Variants in SGCZ observed in about 807,000 individuals in gnomAD.
SGCZ encodes sarcoglycan zeta.
In SGCZ, 40 loss-of-function variants were observed where a neutral mutation model predicts 41.3. The ratio of observed to expected loss-of-function variants is 0.97; its 90% CI spans 0.75 to 1.26. The LOEUF (loss-of-function observed/expected upper bound fraction) is 1.26, where lower values mean the gene tolerates loss of function less well. Ranked by LOEUF, SGCZ falls within the 50% of genes most tolerant of loss-of-function variation. The pLI is 0.00. For synonymous variants in SGCZ, 206 were observed against 137.5 expected (o/e 1.50, Z -3.49); for missense variants, 552 against 369.8 (o/e 1.49, Z -4.04).
intron 1 of SGCZ, among the ~76,000 whole-genome samples, chr8:14,876,085 T>C (rs1430215836): frequency 6.6e-6 from 1 of 152,112 alleles, no homozygotes; most frequent in Non-Finnish European, 1.5e-5. Flanking sequence ...CCCAGCTCAG[T>C]GGTGTGGTAG....
chr8:14,126,938 T>C (rs10106930), intron 5 of SGCZ, among the ~76,000 whole-genome samples: 46,584 of 151,056 alleles, frequency 0.31, 8,582 homozygotes, highest in African/African-American at 0.51. Flanking sequence ...TGAGAACACA[T>C]GGACACAGGG....
At chr8:14,755,864 T>TA (rs988721353) in intron 1 of SGCZ, among the ~76,000 whole-genome samples, 18 of 149,110 alleles carry the variant, frequency 1.2e-4, no homozygotes, top group African/African-American at 4.2e-4. Flanking sequence ...AACAAGAAAC[T>TA]AAAAAAAAAG....
At chr8:15,159,852 T>C (rs567705878) in intron 1 of SGCZ, among the ~76,000 whole-genome samples, 33 of 150,550 alleles carry the variant, frequency 2.2e-4, no homozygotes, top group African/African-American at 7.8e-4. Flanking sequence ...ACCCCTCTAA[T>C]TCCTGCCTTT....
At chr8:14,217,630 T>A (rs1209372661) in intron 4 of SGCZ, among the ~76,000 whole-genome samples, 6 of 76,258 alleles carry the variant, frequency 7.9e-5, no homozygotes, top group African/African-American at 6.5e-4. Context: ...CAACTAAAGT[T>A]TTTTTTTTTT....
intron 1 of SGCZ, among the ~76,000 whole-genome samples, chr8:14,880,825 G>C (rs1804559218): frequency 6.6e-6 from 1 of 152,172 alleles, no homozygotes; most frequent in African/African-American, 2.4e-5. Flanking sequence ...ATGGGGGTGG[G>C]ATAGCATTAG....
chr8:14,518,400 A>G (rs1261956267), intron 2 of SGCZ, among the ~76,000 whole-genome samples: 1 of 152,146 alleles, frequency 6.6e-6, no homozygotes, highest in Non-Finnish European at 1.5e-5. Flanking sequence ...CATGGAATAA[A>G]TATCGGCCTA....
chr8:14,650,089 C>T (rs1261843012), intron 1 of SGCZ, among the ~76,000 whole-genome samples: 1 of 152,058 alleles, frequency 6.6e-6, no homozygotes, highest in African/African-American at 2.4e-5. Flanking sequence ...AGGGGTTTGA[C>T]TGAGCACCCA....
chr8:14,887,783 A>C (rs916972242), intron 1 of SGCZ, among the ~76,000 whole-genome samples: 3 of 152,144 alleles, frequency 2.0e-5, no homozygotes, highest in African/African-American at 7.2e-5. Context: ...GAAAATAGAC[A>C]CGCAATATTT....
At chr8:14,522,567 T>C (rs1378400310) in intron 2 of SGCZ, among the ~76,000 whole-genome samples, 1 of 151,898 alleles carries the variant, frequency 6.6e-6, no homozygotes, top group Non-Finnish European at 1.5e-5. Flanking sequence ...CCCAGGGTGA[T>C]ATCATTTCAT....
At chr8:15,027,175 T>C (rs1803488306) in intron 1 of SGCZ, among the ~76,000 whole-genome samples, 1 of 152,110 alleles carries the variant, frequency 6.6e-6, no homozygotes, top group Admixed American at 6.6e-5. Context: ...TTTGGTAAAA[T>C]GAGTTTTTGA....
intron 1 of SGCZ, among the ~76,000 whole-genome samples, chr8:15,148,050 G>T (rs1416235490): frequency 7.1e-6 from 1 of 140,000 alleles, no homozygotes; most frequent in East Asian, 2.0e-4. Context: ...TTCTCAGAAG[G>T]GCTCTCAAGG....
At chr8:14,525,201 C>G in intron 2 of SGCZ, among the ~76,000 whole-genome samples, 1 of 150,806 alleles carries the variant, frequency 6.6e-6, no homozygotes, top group East Asian at 2.0e-4. Flanking sequence ...GATAGACAGA[C>G]AGACAGACAG....
intron 1 of SGCZ, among the ~76,000 whole-genome samples, chr8:14,723,914 C>A (rs866658537): frequency 2.0e-5 from 3 of 152,062 alleles, no homozygotes; most frequent in Admixed American, 6.5e-5. Flanking sequence ...GCCTTTATAG[C>A]AACACACAGG....
chr8:14,673,978 G>C (rs1808192550), intron 1 of SGCZ, among the ~76,000 whole-genome samples: 1 of 152,104 alleles, frequency 6.6e-6, no homozygotes, highest in African/African-American at 2.4e-5. Flanking sequence ...CTTTGTTATT[G>C]AATGTGTCAC....
At chr8:14,812,292 G>C (rs931683830) in intron 1 of SGCZ, among the ~76,000 whole-genome samples, 2 of 151,888 alleles carry the variant, frequency 1.3e-5, no homozygotes, top group African/African-American at 2.4e-5. Context: ...GGCATCTACA[G>C]AATATTGTCT....
At chr8:14,451,840 G>C (rs1359491403) in intron 2 of SGCZ, among the ~76,000 whole-genome samples, 1 of 152,174 alleles carries the variant, frequency 6.6e-6, no homozygotes, top group Non-Finnish European at 1.5e-5. Flanking sequence ...CCAAATACTG[G>C]TGAAGACATG....
chr8:14,773,060 C>A (rs1226692426), intron 1 of SGCZ, among the ~76,000 whole-genome samples: 2 of 152,238 alleles, frequency 1.3e-5, no homozygotes, highest in African/African-American at 4.8e-5. Flanking sequence ...TAAAAGTGTT[C>A]CTATTTCTCC....
intron 2 of SGCZ, among the ~76,000 whole-genome samples, chr8:14,489,328 T>C (rs1339839051): frequency 6.6e-6 from 1 of 152,134 alleles, no homozygotes; most frequent in Non-Finnish European, 1.5e-5. Context: ...CACAAAATTA[T>C]AAAATGGACA....
intron 2 of SGCZ, among the ~76,000 whole-genome samples, chr8:14,442,762 G>A (rs10113331): frequency 0.031 from 4,769 of 152,076 alleles, 259 homozygotes; most frequent in African/African-American, 0.11. Flanking sequence ...TTAGGTTTTG[G>A]CTCTTCATTC....
Sources: allele counts gnomAD v4.1 joint callset (sites outside exome capture counted in the v4.1 genomes callset), GRCh38; gene constraint gnomAD v4.1.1; transcripts MANE v1.5; gene names NCBI Gene and HGNC (gene_info 2026-07-23, HGNC 2026-07-21).